FILIP1: variants seen among roughly 807,000 people sequenced by gnomAD.
The protein encoded by FILIP1 is filamin A interacting protein 1, also known as filamin-A-interacting protein 1.
In FILIP1, 61 loss-of-function variants were observed where a neutral mutation model predicts 102.1. The ratio of observed to expected loss-of-function variants is 0.60; its 90% CI spans 0.49 to 0.74. The LOEUF is 0.74. Ranked by LOEUF, FILIP1 falls within the 30% of genes least tolerant of loss-of-function variation. FILIP1 has a pLI of 0.00. For synonymous variants in FILIP1, 491 were observed against 526.9 expected (o/e 0.93, Z 0.93); for missense variants, 1,314 against 1,441.2 (o/e 0.91, Z 1.43).
chr6:75,460,057 C>T (rs1778972143), intron 1 of FILIP1, among the ~76,000 whole-genome samples: 1 of 152,062 alleles, frequency 6.6e-6, no homozygotes, highest in African/African-American at 2.4e-5. Context: ...ACTAGGAGGC[C>T]CCATAATTCC....
rs143561250 is a variant in FILIP1, at chr6:75,491,367, C to T, written c.-7+2047G>A. 5.0e-3 allele frequency among the ~76,000 whole-genome samples: 759 copies of T among 152,152 alleles called. 3 individuals are homozygous for T. Among genetic ancestry groups the T allele is most frequent in the Middle Eastern group, 0.01 (3 of 294 alleles). On this transcript the variant is annotated intron_variant, in intron 1 of 5. Transcript: ENST00000237172. ...TGAGACTGGAAAAGTTAAGTAGGTG[C>T]CAGATGATGGAAGGTTTTCAAAATA... is the stretch of plus-strand genomic sequence containing the variant.
chr6:75,441,270 C>T (rs1262253742), intron 1 of FILIP1, among the ~76,000 whole-genome samples: 3 of 152,100 alleles, frequency 2.0e-5, no homozygotes, highest in South Asian at 2.1e-4. Flanking sequence ...GTGGACACAG[C>T]ACATGTTTCA....
chr6:75,424,212 C>A (rs1321424261), intron 1 of FILIP1, among the ~76,000 whole-genome samples: 1 of 152,158 alleles, frequency 6.6e-6, no homozygotes, highest in East Asian at 1.9e-4. Flanking sequence ...TTAGCCATCA[C>A]ATCAATACTA....
At chr6:75,475,499 T>A (rs980556828) in intron 1 of FILIP1, among the ~76,000 whole-genome samples, 2 of 152,224 alleles carry the variant, frequency 1.3e-5, no homozygotes, top group Non-Finnish European at 2.9e-5. Flanking sequence ...ATTATGATGA[T>A]GTTGTTATTA....
chr6:75,312,183 G>A (rs1773212720), intron 5 of FILIP1, among the ~76,000 whole-genome samples: 1 of 152,328 alleles, frequency 6.6e-6, no homozygotes, highest in African/African-American at 2.4e-5. Flanking sequence ...ATGAATAGGT[G>A]AAGTTTTCCC....
chr6:75,438,078 T>C (rs576686731), intron 1 of FILIP1, among the ~76,000 whole-genome samples: 1 of 152,242 alleles, frequency 6.6e-6, no homozygotes, highest in South Asian at 2.1e-4. Flanking sequence ...ACAGTGACAG[T>C]TGAAAGACAA....
intron 1 of FILIP1, among the ~76,000 whole-genome samples, chr6:75,424,672 T>C (rs186271883): frequency 6.6e-6 from 1 of 152,300 alleles, no homozygotes; most frequent in East Asian, 1.9e-4. Flanking sequence ...TGTCTTTATA[T>C]AGCAAATATT....
intron 2 of FILIP1, among the ~76,000 whole-genome samples, chr6:75,368,973 T>C (rs1185536680): frequency 6.6e-6 from 1 of 152,180 alleles, no homozygotes; most frequent in Non-Finnish European, 1.5e-5. Flanking sequence ...AATATTTCTG[T>C]AGGTGATTCC....
downstream of FILIP1, among the ~76,000 whole-genome samples, chr6:75,305,928 G>C (rs772746774): frequency 6.6e-6 from 1 of 152,002 alleles, no homozygotes; most frequent in Non-Finnish European, 1.5e-5. Flanking sequence ...TACGCAGTAC[G>C]TTTCAGGACA....
At chr6:75,317,084 G>A (rs1773471716) in intron 4 of FILIP1, among the ~76,000 whole-genome samples, 1 of 152,164 alleles carries the variant, frequency 6.6e-6, no homozygotes, top group African/African-American at 2.4e-5. Context: ...CAGTGGATTG[G>A]AGTGACTACA....
At chr6:75,438,456 T>C (rs1778096306) in intron 1 of FILIP1, among the ~76,000 whole-genome samples, 1 of 152,216 alleles carries the variant, frequency 6.6e-6, no homozygotes, top group African/African-American at 2.4e-5. Flanking sequence ...ACAGAAATTA[T>C]ACTTATTTTT....
chr6:75,479,598 G>A (rs1026090788), intron 1 of FILIP1, among the ~76,000 whole-genome samples: 6 of 151,984 alleles, frequency 3.9e-5, no homozygotes, highest in Admixed American at 6.6e-5. Context: ...GTCAGGCGTG[G>A]TGGCTCATGC....
chr6:75,362,142 A>T (rs1775190689), intron 3 of FILIP1: 1 of 152,204 alleles, frequency 6.6e-6, no homozygotes, highest in South Asian at 2.1e-4. Flanking sequence ...TCTGGCTCAA[A>T]CTTCTGCTAC....
intron 4 of FILIP1, among the ~76,000 whole-genome samples, chr6:75,343,714 G>A (rs912468952): frequency 6.6e-6 from 1 of 152,142 alleles, no homozygotes; most frequent in African/African-American, 2.4e-5. Flanking sequence ...TTGCTCCTGG[G>A]TGACTACTCA....
In FILIP1 at chr6:75,400,044, G is replaced by A. The variant is rs188611101; in HGVS notation, c.276+14653C>T. Among the ~76,000 whole-genome samples, 6 of 152,256 alleles carry A rather than the reference G, an allele frequency of 3.9e-5. No individual in the cohort carries two copies. The East Asian group carries it at 5.8e-4, about 15-fold the overall frequency. On this transcript the variant is annotated intron_variant, in intron 2 of 5. Coordinates refer to ENST00000237172, the MANE Select transcript of FILIP1 (RefSeq NM_015687.5). ...GAACCCATCTGGTTCCTGGCTGAGA[G>A]ACAGCTCTGCCACTAATACTGGCAC...
chr6:75,346,325 T>G (rs939265089), intron 4 of FILIP1, among the ~76,000 whole-genome samples: 1 of 152,236 alleles, frequency 6.6e-6, no homozygotes, highest in Admixed American at 6.5e-5. Context: ...CTAGGCATCC[T>G]TGTTAACATT....
intron 2 of FILIP1, among the ~76,000 whole-genome samples, chr6:75,387,874 C>A (rs1393564238): frequency 1.3e-5 from 2 of 152,158 alleles, no homozygotes; most frequent in Non-Finnish European, 2.9e-5. Flanking sequence ...TGTGCAGAAG[C>A]TCTTTAGTTT....
At chr6:75,335,299 AT>A (rs1018079427) in intron 4 of FILIP1, among the ~76,000 whole-genome samples, 4 of 152,074 alleles carry the variant, frequency 2.6e-5, no homozygotes, top group Non-Finnish European at 5.9e-5. Context: ...TTTTACTTGA[AT>A]TTTTTTCCCT....
intron 1 of FILIP1, among the ~76,000 whole-genome samples, chr6:75,427,918 C>T (rs1221846716): frequency 6.6e-6 from 1 of 152,092 alleles, no homozygotes; most frequent in Non-Finnish European, 1.5e-5. Flanking sequence ...TCCTCACTGT[C>T]TTTGTTTGTT....
Sources: allele counts gnomAD v4.1 joint callset (sites outside exome capture counted in the v4.1 genomes callset), GRCh38; gene constraint gnomAD v4.1.1; transcripts MANE v1.5; gene names NCBI Gene and HGNC (gene_info 2026-07-23, HGNC 2026-07-21).